SLC24A3: variants seen among roughly 807,000 people sequenced by gnomAD.
The protein encoded by SLC24A3 is sodium/potassium/calcium exchanger 3.
A neutral mutation model predicts 75.8 loss-of-function variants in SLC24A3; 28 were observed. That is an observed-to-expected ratio of 0.37 (90% CI 0.27 to 0.51). The LOEUF is 0.51. SLC24A3 is among the 20% of genes least tolerant of loss of function. The pLI, the probability that SLC24A3 is intolerant of heterozygous loss-of-function variation, is 0.94. For synonymous variants in SLC24A3, 372 were observed against 334.1 expected (o/e 1.11, Z -1.24); for missense variants, 663 against 847.8 (o/e 0.78, Z 2.71).
chr20:19,709,772 G>A (rs1235691002), intron 15 of SLC24A3, among the ~76,000 whole-genome samples: 1 of 152,134 alleles, frequency 6.6e-6, no homozygotes, highest in African/African-American at 2.4e-5. Flanking sequence ...TCTAAATGCA[G>A]ACCTGACCCC....
At chr20:19,587,667 G>A (rs2031317396) in intron 6 of SLC24A3, among the ~76,000 whole-genome samples, 1 of 152,146 alleles carries the variant, frequency 6.6e-6, no homozygotes, top group South Asian at 2.1e-4. Flanking sequence ...CATGGGCTGG[G>A]GAATCAGACG....
intron 6 of SLC24A3, among the ~76,000 whole-genome samples, chr20:19,615,811 A>G (rs2031728728): frequency 6.6e-6 from 1 of 152,084 alleles, no homozygotes; most frequent in South Asian, 2.1e-4. Context: ...GGACTCTGAG[A>G]CTTGCACCAG....
At chr20:19,545,723 G>C (rs1456895188) in intron 3 of SLC24A3, among the ~76,000 whole-genome samples, 1 of 152,202 alleles carries the variant, frequency 6.6e-6, no homozygotes, top group Non-Finnish European at 1.5e-5. Context: ...CTGGTTTGGA[G>C]GCATGTACCT....
intron 2 of SLC24A3, among the ~76,000 whole-genome samples, chr20:19,320,922 CTG>C (rs1984692225): frequency 6.6e-6 from 1 of 151,962 alleles, no homozygotes; most frequent in South Asian, 2.1e-4. Context: ...AGAAGACTGA[CTG>C]TATACAGAAT....
intron 2 of SLC24A3, among the ~76,000 whole-genome samples, chr20:19,438,964 G>A (rs547783483): frequency 2.6e-4 from 40 of 152,354 alleles, no homozygotes; most frequent in African/African-American, 9.4e-4. Flanking sequence ...CATGCCCAGA[G>A]TCAAGCGCAT....
intron 2 of SLC24A3, among the ~76,000 whole-genome samples, chr20:19,387,937 T>A (rs1168273094): frequency 6.6e-6 from 1 of 152,200 alleles, no homozygotes; most frequent in Non-Finnish European, 1.5e-5. Flanking sequence ...CTACTATTAT[T>A]GTTTTTAATT....
At chr20:19,436,221 A>G (rs973488036) in intron 2 of SLC24A3, among the ~76,000 whole-genome samples, 4 of 152,304 alleles carry the variant, frequency 2.6e-5, no homozygotes, top group South Asian at 4.1e-4. Flanking sequence ...GCACTGAGCC[A>G]CTAATGGAAC....
At chr20:19,651,818 G>A (rs1009818191) in intron 6 of SLC24A3, among the ~76,000 whole-genome samples, 8 of 144,016 alleles carry the variant, frequency 5.6e-5, no homozygotes, top group African/African-American at 1.3e-4. Flanking sequence ...CCAAGATCAC[G>A]CCACTGCACT....
In SLC24A3 at chr20:19,580,181, A is replaced by G. The variant is rs560610659; in HGVS notation, c.423+107A>G. 6.9e-6 allele frequency: 6 copies of G among 874,062 alleles called. No individual in the cohort carries two copies. In the African/African-American group the frequency reaches 8.3e-5, roughly 12 times the overall value. The allele number at this position is 874,062 out of a possible 1,614,324, so 54.1% of individuals were successfully genotyped here. A position where few individuals can be genotyped will look rare whatever the true frequency, so the allele number is the denominator to read the frequency against. On this transcript the variant is annotated intron_variant, in intron 4 of 16. Transcript: ENST00000328041. ...AAGTCCTGGGGAGCCCTCGCAGGGC[A>G]GCTGCAGCGGGAACACCAGGCATCA...
intron 16 of SLC24A3, among the ~76,000 whole-genome samples, chr20:19,719,156 A>T (rs2033074021): frequency 6.6e-6 from 1 of 152,108 alleles, no homozygotes; most frequent in African/African-American, 2.4e-5. Flanking sequence ...AGCAATGCAA[A>T]ACCATTGGTG....
intron 3 of SLC24A3, among the ~76,000 whole-genome samples, chr20:19,542,993 G>C (rs982986535): frequency 1.3e-5 from 2 of 152,176 alleles, no homozygotes; most frequent in African/African-American, 4.8e-5. Flanking sequence ...CTTAAAGAAA[G>C]GGTTACATTA....
chr20:19,660,808 C>G (rs1361882830), intron 7 of SLC24A3, among the ~76,000 whole-genome samples: 2 of 152,144 alleles, frequency 1.3e-5, no homozygotes, highest in Non-Finnish European at 2.9e-5. Context: ...CATTTCAGCT[C>G]TCTTTCTGGC....
intron 1 of SLC24A3, among the ~76,000 whole-genome samples, chr20:19,244,524 G>A (rs376700237): frequency 3.9e-5 from 6 of 152,162 alleles, no homozygotes; most frequent in Non-Finnish European, 8.8e-5. Flanking sequence ...GGGGTGGTTG[G>A]AGGCATGGCA....
chr20:19,252,271 A>G (rs1051513195), intron 1 of SLC24A3, among the ~76,000 whole-genome samples: 1 of 152,212 alleles, frequency 6.6e-6, no homozygotes, highest in East Asian at 1.9e-4. Context: ...TGCAGCCAGA[A>G]TAACTAGCTT....
intron 2 of SLC24A3, among the ~76,000 whole-genome samples, chr20:19,357,125 C>T (rs1218136516): frequency 6.6e-6 from 1 of 152,000 alleles, no homozygotes; most frequent in Non-Finnish European, 1.5e-5. Context: ...AAGAGAGAGG[C>T]AGTGGGAGAT....
At chr20:19,677,479 G>T (rs1489428707) in intron 9 of SLC24A3, among the ~76,000 whole-genome samples, 1 of 151,912 alleles carries the variant, frequency 6.6e-6, no homozygotes. Flanking sequence ...ACAGGAGTCT[G>T]CAGAATAGTA....
intron 1 of SLC24A3, among the ~76,000 whole-genome samples, chr20:19,225,861 A>G (rs961102370): frequency 6.6e-6 from 1 of 152,126 alleles, no homozygotes; most frequent in African/African-American, 2.4e-5. Flanking sequence ...AGTTGTTTTT[A>G]GTTTTGTTAA....
At chr20:19,551,827 C>T (rs1229516962) in intron 3 of SLC24A3, among the ~76,000 whole-genome samples, 2 of 152,194 alleles carry the variant, frequency 1.3e-5, no homozygotes, top group Non-Finnish European at 2.9e-5. Flanking sequence ...CTCCTTCCCT[C>T]CACTGCCCGG....
intron 1 of SLC24A3, among the ~76,000 whole-genome samples, chr20:19,214,643 G>A (rs1264103581): frequency 6.6e-6 from 1 of 152,062 alleles, no homozygotes; most frequent in African/African-American, 2.4e-5. Flanking sequence ...GTGACAGGGG[G>A]CTGCCTGGGC....
Sources: allele counts gnomAD v4.1 joint callset (sites outside exome capture counted in the v4.1 genomes callset), GRCh38; gene constraint gnomAD v4.1.1; transcripts MANE v1.5; gene names NCBI Gene and HGNC (gene_info 2026-07-23, HGNC 2026-07-21).